Variants in ANKRD30A observed in about 807,000 individuals in gnomAD.
ANKRD30A encodes the protein ankyrin repeat domain-containing protein 30A.
Under a neutral mutation model 166.3 loss-of-function variants are expected in ANKRD30A, and 170 were observed. The observed-to-expected ratio is 1.02, with a 90% confidence interval of 0.90 to 1.16. The LOEUF is 1.16. Among genes scored for constraint, ANKRD30A ranks in the 50% most tolerant of loss-of-function variants. The probability of loss-of-function intolerance (pLI) is 0.00; values close to 1 mark genes in which losing one functional copy is unlikely to be tolerated. For missense variants in ANKRD30A, 1,630 were observed against 1,518.0 expected (o/e 1.07, Z -1.23); for synonymous variants, 564 against 508.9 (o/e 1.11, Z -1.46).
the ANKRD30A span, among the ~76,000 whole-genome samples, chr10:37,256,366 C>G: frequency 3.9e-5 from 6 of 152,204 alleles, no homozygotes; most frequent in Non-Finnish European, 8.8e-5. Context: ...AAGCAGTCCT[C>G]CTGCCTCAGC....
At chr10:37,136,523 C>G (rs1588755410) in intron 5 of ANKRD30A, 84 bp from the exon 6 acceptor site, 1 of 624,524 alleles carries the variant, frequency 1.6e-6, no homozygotes, top group East Asian at 3.5e-5. Context: ...CTGAAATGCT[C>G]TAAGAACTTA....
chr10:37,202,125 G>A (rs1268712500), intron 31 of ANKRD30A, among the ~76,000 whole-genome samples: 1 of 151,952 alleles, frequency 6.6e-6, no homozygotes, highest in Non-Finnish European at 1.5e-5. Context: ...TTGAATAGAA[G>A]GTCAGGACAG....
chr10:37,151,193 C>T (rs908831836), intron 11 of ANKRD30A, among the ~76,000 whole-genome samples: 2 of 152,088 alleles, frequency 1.3e-5, no homozygotes, highest in African/African-American at 4.8e-5. Context: ...TTTCCTCAAC[C>T]TGATTCAAAT....
At position 37,161,436 on chromosome 10, in the gene ANKRD30A, G is replaced by A. The variant is rs866113956; in HGVS notation, c.1901-1213G>A. On this transcript the variant is annotated intron_variant, in intron 15 of 35. Transcript: ENST00000361713. Reference sequence around the variant, plus strand: ...ATGGGAAGAATTCTACAGAGTTAGAGGTTTTTTTTTATTTTCTGTTTTTAT... The same window carrying A: ...ATGGGAAGAATTCTACAGAGTTAGAAGTTTTTTTTTATTTTCTGTTTTTAT... 7.2e-5 allele frequency among the ~76,000 whole-genome samples: 11 copies of A among 151,990 alleles called. 1 individual carries two copies. Among genetic ancestry groups the A allele is most frequent in the South Asian group, 4.2e-4 (2 of 4,808 alleles).
chr10:37,140,719 A>G (rs1156324573), intron 6 of ANKRD30A, among the ~76,000 whole-genome samples: 1 of 152,204 alleles, frequency 6.6e-6, no homozygotes, highest in Non-Finnish European at 1.5e-5. Context: ...AACAAATTAT[A>G]ATGAAGTTAG....
intron 1 of ANKRD30A, among the ~76,000 whole-genome samples, chr10:37,128,830 A>G (rs1836211769): frequency 6.6e-6 from 1 of 152,098 alleles, no homozygotes; most frequent in South Asian, 2.1e-4. Context: ...AAAAAAAAGC[A>G]CTTCTGAAGT....
intron 33 of ANKRD30A, 132 bp from the exon 34 acceptor site, chr10:37,218,847 TG>T (rs1201335245): frequency 3.4e-6 from 2 of 594,984 alleles, no homozygotes; most frequent in Non-Finnish European, 5.8e-6. Flanking sequence ...TTTGATTCAG[TG>T]GTTCTTCAAC....
chr10:37,171,310 A>G (rs1442410535), intron 21 of ANKRD30A, among the ~76,000 whole-genome samples: 4 of 144,710 alleles, frequency 2.8e-5, no homozygotes, highest in African/African-American at 1.0e-4. Flanking sequence ...GGCAGCTGAT[A>G]TCACAGAGCT....
intron 1 of ANKRD30A, among the ~76,000 whole-genome samples, chr10:37,128,934 A>G (rs527949748): frequency 2.4e-4 from 36 of 152,302 alleles, no homozygotes; most frequent in African/African-American, 8.4e-4. Context: ...CCTAATTTAC[A>G]TGCATTCTAT....
intron 27 of ANKRD30A, 103 bp from the exon 28 acceptor site, chr10:37,197,178 C>T: frequency 2.0e-6 from 3 of 1,477,496 alleles, no homozygotes; most frequent in Non-Finnish European, 2.8e-6. Flanking sequence ...ATTCATTCTC[C>T]AATTGGAGCA....
At chr10:37,126,054 G>A (rs369087492) in intron 1 of ANKRD30A, 46 bp downstream of exon 1, 174 of 1,593,700 alleles carry the variant, frequency 1.1e-4, no homozygotes, top group East Asian at 4.5e-5. Context: ...AGGTGGGGGC[G>A]GTGGGAGGAT....
intron 6 of ANKRD30A, among the ~76,000 whole-genome samples, chr10:37,138,650 A>C (rs577787309): frequency 3.5e-4 from 54 of 152,272 alleles, no homozygotes; most frequent in African/African-American, 1.1e-3. Flanking sequence ...AAATGAATGA[A>C]ATGAAGTGAG....
At chr10:37,198,872 TG>T (rs2132685243) in intron 29 of ANKRD30A, among the ~76,000 whole-genome samples, 1 of 152,256 alleles carries the variant, frequency 6.6e-6, no homozygotes, top group Non-Finnish European at 1.5e-5. Context: ...TTCAAATAGT[TG>T]TAATTTGTAC....
chr10:37,231,240 G>T (rs1365150466), intron 34 of ANKRD30A, among the ~76,000 whole-genome samples: 2 of 151,164 alleles, frequency 1.3e-5, no homozygotes, highest in Admixed American at 6.6e-5. Flanking sequence ...AAAACTTTTT[G>T]TTAGAAATCC....
intron 18 of ANKRD30A, among the ~76,000 whole-genome samples, chr10:37,166,270 A>G (rs1017662092): frequency 1.3e-5 from 2 of 152,156 alleles, no homozygotes; most frequent in Admixed American, 1.3e-4. Flanking sequence ...TGTCTTATTT[A>G]TTTTTGATGA....
chr10:37,130,639 G>T (rs563616568), intron 3 of ANKRD30A, among the ~76,000 whole-genome samples: 2 of 151,412 alleles, frequency 1.3e-5, no homozygotes, highest in Non-Finnish European at 2.9e-5. Context: ...TCCCATCCAA[G>T]TTTTTTTTTC....
chr10:37,164,959 G>T (rs555827195), intron 17 of ANKRD30A, 135 bp from the exon 18 acceptor site: 11 of 881,918 alleles, frequency 1.2e-5, no homozygotes, highest in African/African-American at 1.7e-5. Flanking sequence ...AGTAGTCATT[G>T]TAATCAACAA....
chr10:37,245,970 G>C, the ANKRD30A span, among the ~76,000 whole-genome samples: 2 of 152,120 alleles, frequency 1.3e-5, no homozygotes, highest in South Asian at 4.1e-4. Flanking sequence ...AGCAAGAATA[G>C]CCTGTCATAT....
At chr10:37,225,109 TC>T in intron 34 of ANKRD30A, among the ~76,000 whole-genome samples, 1 of 150,848 alleles carries the variant, frequency 6.6e-6, no homozygotes, top group East Asian at 2.0e-4. Context: ...TGATTACTTC[TC>T]CCCCAATGAA....
Sources: allele counts gnomAD v4.1 joint callset (sites outside exome capture counted in the v4.1 genomes callset), GRCh38; gene constraint gnomAD v4.1.1; transcripts MANE v1.5; gene names NCBI Gene and HGNC (gene_info 2026-07-23, HGNC 2026-07-21).